The following DENND4B variants were observed in gnomAD, a reference collection of about 807,000 sequenced individuals.
The protein encoded by DENND4B is DENN domain containing 4B.
A neutral mutation model predicts 161.0 loss-of-function variants in DENND4B; 67 were observed. That is an observed-to-expected ratio of 0.42 (90% CI 0.34 to 0.51). DENND4B has a LOEUF of 0.51. Ranked by LOEUF, DENND4B falls within the 20% of genes least tolerant of loss-of-function variation. The probability of loss-of-function intolerance (pLI) is 0.08; values close to 1 mark genes in which losing one functional copy is unlikely to be tolerated. For missense variants in DENND4B, 1,481 were observed against 1,968.0 expected (o/e 0.75, Z 4.68); for synonymous variants, 753 against 813.8 (o/e 0.93, Z 1.27).
chr1:153,938,994 A>T lies in DENND4B; in HGVS notation c.1871T>A (p.Leu624Gln). The change falls in exon 13 of 28, where the codon CTG becomes CAG. Residue 624 changes from leucine (L) to glutamine (Q), a missense_variant. Physicochemically the swap from Leu to Gln is moderately radical, Grantham distance 113. This residue lies in a region of DENND4B where 806 missense variants were observed against 1,134.4 expected (regional missense o/e 0.71). Coordinates refer to ENST00000361217, the MANE Select transcript of DENND4B (RefSeq NM_014856.3). ...GAACTGTGAGAACATCTGTGTGTGCAGCAGCTGAGAGTAAAGTTTGTGGCT... is the reference window on the plus strand; with the variant it reads ...GAACTGTGAGAACATCTGTGTGTGCTGCAGCTGAGAGTAAAGTTTGTGGCT... ...RSSHKLYSQLLHTQMFSQFIE... is the reference protein window; with the variant it reads ...RSSHKLYSQLQHTQMFSQFIE... 7 of 1,612,436 alleles carry T rather than the reference A, an allele frequency of 4.3e-6. No homozygotes were observed. The highest frequency in any genetic ancestry group is 1.7e-5 in the Admixed American group (1 of 59,806).
At position 153,944,524 on chromosome 1, in the gene DENND4B, A is replaced by G; in HGVS notation, c.-23-127T>C. On this transcript the variant is annotated intron_variant, in intron 1 of 27. Coordinates refer to ENST00000361217, the MANE Select transcript of DENND4B (RefSeq NM_014856.3). This position sits in a 1 kb window ranked among gnomAD's most constrained non-coding sequence, Gnocchi z 4.8. The stretch of plus-strand genomic sequence containing the variant: ...GAAAGGCAGGATAAGGGGTCGGCCA[A>G]TCCTGAACTCTTCCCCCTGTGACAT... 2 of 930,340 alleles carry G rather than the reference A, an allele frequency of 2.1e-6. No individual in the cohort carries two copies. The highest frequency in any genetic ancestry group is 2.8e-5 in the East Asian group (1 of 35,428). 57.6% of individuals were successfully genotyped at this position (930,340 alleles called of 1,614,324 possible).
chr1:153,931,642 C>G (rs1035880218), intron 24 of DENND4B, among the ~76,000 whole-genome samples: 1 of 151,574 alleles, frequency 6.6e-6, no homozygotes, highest in African/African-American at 2.4e-5. Context: ...GGACTACAGG[C>G]GCCCGCCACC....
Position 153,936,011 on chromosome 1 carries a change from A to G in DENND4B, c.2568+49T>C, listed in dbSNP as rs1430400679. The G allele has an allele frequency of 6.2e-7, 1 of 1,605,544 alleles. No homozygotes were observed. The highest frequency in any genetic ancestry group is 8.5e-7 in the Non-Finnish European group (1 of 1,175,428). ...AGGGGAGCAGCAGCAGCCTCCCCTCACACACCCTGGCACAGCTGCCATCCC... is the reference window on the plus strand; with the variant it reads ...AGGGGAGCAGCAGCAGCCTCCCCTCGCACACCCTGGCACAGCTGCCATCCC... On this transcript the variant is annotated intron_variant, in intron 17 of 27. Transcript: ENST00000361217. This position sits in a 1 kb window ranked among gnomAD's most constrained non-coding sequence, Gnocchi z 4.1.
In DENND4B at chr1:153,937,474, C is replaced by T. The variant is rs1396971119; in HGVS notation, c.2232+14G>A. 1 of 1,531,816 alleles carries T rather than the reference C, an allele frequency of 6.5e-7. No homozygotes were observed. The highest frequency in any genetic ancestry group is 1.4e-5 in the African/African-American group (1 of 72,272). 94.9% of individuals were successfully genotyped at this position (1,531,816 alleles called of 1,614,324 possible). ...CTGATCCGGGTCCCTCAGTGCGGTC[C>T]ACCCACTGCTTACCTGTTTGGTACG... On this transcript the variant is annotated intron_variant, in intron 15 of 27. Coordinates refer to ENST00000361217, the MANE Select transcript of DENND4B (RefSeq NM_014856.3). This position sits in a 1 kb window ranked among gnomAD's most constrained non-coding sequence, Gnocchi z 4.7.
chr1:153,942,748 C>G lies in DENND4B; in HGVS notation c.571-123G>C, dbSNP rs562863906. The G allele has an allele frequency of 6.1e-6, 9 of 1,477,672 alleles. No homozygotes were observed. The East Asian group carries it at 2.2e-4, about 36-fold the overall frequency. 91.5% of individuals were successfully genotyped at this position (1,477,672 alleles called of 1,614,324 possible). On this transcript the variant is annotated intron_variant, in intron 3 of 27. Transcript: ENST00000361217. This position sits in a 1 kb window ranked among gnomAD's most constrained non-coding sequence, Gnocchi z 6.9. ...AAAGCTCCCATTAATCCCAGTGCCCCAAGACCAGAGTTACCCCTCTGGACT... is the reference window on the plus strand; with the variant it reads ...AAAGCTCCCATTAATCCCAGTGCCCGAAGACCAGAGTTACCCCTCTGGACT...
intron 8 of DENND4B, 66 bp downstream of exon 8, chr1:153,941,165 C>T: frequency 1.3e-6 from 2 of 1,597,126 alleles, no homozygotes; most frequent in Non-Finnish European, 1.7e-6. Context: ...CAGCTGCACC[C>T]ACCTGCCCAG....
In DENND4B at chr1:153,932,387, C is replaced by T. The variant is rs768284419; in HGVS notation, c.3813G>A (p.Val1271=). 6.2e-7 allele frequency: 1 copy of T among 1,613,642 alleles called. No homozygotes were observed. Among genetic ancestry groups the T allele is most frequent in the East Asian group, 2.2e-5 (1 of 44,864 alleles). ...CCAGCGACTCCAGCTCCTTACGCAGCACCAGGGGGCTCAGGTATGCCCATG... is the reference window on the plus strand; with the variant it reads ...CCAGCGACTCCAGCTCCTTACGCAGTACCAGGGGGCTCAGGTATGCCCATG... ...SGAWAYLSPL[V]LRKELESLVE... Residue 1271 remains valine, a synonymous_variant, in exon 24 of 28, where the codon GTG becomes GTA. Transcript: ENST00000361217. This position sits in a 1 kb window ranked among gnomAD's most constrained non-coding sequence, Gnocchi z 5.8.
rs777633726 is a variant in DENND4B, at chr1:153,932,336, C to T, written c.3864G>A (p.Leu1288=). Residue 1288 remains leucine (L), a synonymous_variant, in exon 24 of 28, where the codon CTG becomes CTA. Coordinates refer to ENST00000361217, the MANE Select transcript of DENND4B (RefSeq NM_014856.3). This position sits in a 1 kb window ranked among gnomAD's most constrained non-coding sequence, Gnocchi z 5.8. ...GGGCAGAGGGCAGTTCAGGCAACGC[C>T]AGCACCTCACTGCCCTCGTTCTCTA... ...SLVENEGSEV[L]ALPELPSAHP... The T allele has an allele frequency of 1.9e-6, 3 of 1,613,952 alleles. No homozygotes were observed. Among genetic ancestry groups the T allele is most frequent in the Non-Finnish European group, 2.5e-6 (3 of 1,179,866 alleles).
chr1:153,939,274 T>TGG (rs35006932), intron 12 of DENND4B, among the ~76,000 whole-genome samples: 54 of 151,382 alleles, frequency 3.6e-4, no homozygotes, highest in South Asian at 3.6e-3. Context: ...TGCCTCAGAC[T>TGG]GGGGGGGGTC....
chr1:153,931,149 CAG>C (rs2101997603), intron 24 of DENND4B, 85 bp from the exon 25 acceptor site: 1 of 1,065,714 alleles, frequency 9.4e-7, no homozygotes, highest in South Asian at 1.4e-5. Context: ...GCCAAAGAGA[CAG>C]AGGGCCATTA....
intron 17 of DENND4B, chr1:153,935,765 G>A (rs182116178): frequency 8.8e-6 from 3 of 340,756 alleles, no homozygotes; most frequent in East Asian, 1.4e-4. Context: ...CCACCTCATA[G>A]GGCTGTCGTG....
Position 153,935,762 on chromosome 1 carries a change from A to G in DENND4B, c.2568+298T>C, listed in dbSNP as rs1046588534. The G allele has an allele frequency of 4.7e-5, 16 of 336,874 alleles. No homozygotes were observed. In the Admixed American group the frequency reaches 6.6e-4, roughly 14 times the overall value. The allele number at this position is 336,874 out of a possible 1,614,324, so 20.9% of individuals were successfully genotyped here. A position where few individuals can be genotyped will look rare whatever the true frequency, so the allele number is the denominator to read the frequency against. ...ATGGGGATAATGATCATCCCACCTC[A>G]TAGGGCTGTCGTGAAGATAAAATGA... is the stretch of plus-strand genomic sequence containing the variant. On this transcript the variant is annotated intron_variant, in intron 17 of 27. Coordinates refer to ENST00000361217, the MANE Select transcript of DENND4B (RefSeq NM_014856.3).
intron 17 of DENND4B, 76 bp downstream of exon 17, chr1:153,935,984 C>G: frequency 6.5e-7 from 1 of 1,547,756 alleles, no homozygotes; most frequent in Non-Finnish European, 8.8e-7. Flanking sequence ...CTCCAAGGAG[C>G]GAGGGGAGCA....
intron 17 of DENND4B, 133 bp downstream of exon 17, chr1:153,935,927 G>T: frequency 8.7e-7 from 1 of 1,154,232 alleles, no homozygotes; most frequent in Non-Finnish European, 1.2e-6. Flanking sequence ...GGAGTGCAAT[G>T]TGGATGACAG....
chr1:153,933,778 G>T lies in DENND4B; in HGVS notation c.3035C>A (p.Pro1012Gln). 1 of 1,610,862 alleles carries T rather than the reference G, an allele frequency of 6.2e-7. No individual in the cohort carries two copies. The highest frequency in any genetic ancestry group is 8.5e-7 in the Non-Finnish European group (1 of 1,178,928). Residue 1012 changes from proline to glutamine, a missense_variant, in exon 20 of 28, where the codon CCG (proline) becomes CAG (glutamine). Transcript: ENST00000361217. This position sits in a 1 kb window ranked among gnomAD's most constrained non-coding sequence, Gnocchi z 5.7. Reference protein sequence around the residue: ...LSDLSLTGEEPLPGGSPGGSG... With the variant: ...LSDLSLTGEEQLPGGSPGGSG... ...GCCCCCTGGGCTGCCTCCAGGGAGCGGCTCCTCCCCTGTCAGGCTCAGGTC... is the reference window on the plus strand; with the variant it reads ...GCCCCCTGGGCTGCCTCCAGGGAGCTGCTCCTCCCCTGTCAGGCTCAGGTC...
chr1:153,935,530 A>G (rs911747028), intron 17 of DENND4B, among the ~76,000 whole-genome samples: 5 of 152,184 alleles, frequency 3.3e-5, no homozygotes, highest in Non-Finnish European at 5.9e-5. Flanking sequence ...TATTTTTAAT[A>G]GAGACAGGGT....
chr1:153,930,576 C>T lies in DENND4B; in HGVS notation c.4308G>A (p.Leu1436=), dbSNP rs1457055352. The change falls in exon 27 of 28, where the codon CTG becomes CTA. Residue 1436 remains leucine, a synonymous_variant. Transcript: ENST00000361217. The surrounding 1 kb of genome is among the most constrained non-coding windows in gnomAD (Gnocchi z 4.7). ...QRGIYREILF[L]TMAALGKDHV... ...GGTCCTTGCCCAGAGCAGCCATTGT[C>T]AGGAATAATATCTCACGGTAGATTC... The T allele has an allele frequency of 1.2e-6, 2 of 1,613,894 alleles. No individual in the cohort carries two copies. The highest frequency in any genetic ancestry group is 2.7e-5 in the African/African-American group (2 of 74,910).
At chr1:153,939,280 G>A (rs569805512) in intron 12 of DENND4B, among the ~76,000 whole-genome samples, 30 of 151,912 alleles carry the variant, frequency 2.0e-4, no homozygotes, top group African/African-American at 5.3e-4. Flanking sequence ...AGACTGGGGG[G>A]GGTCTCCAAG....
chr1:153,941,260 A>G lies in DENND4B; in HGVS notation c.1152T>C (p.Cys384=), dbSNP rs746932768. 31 of 1,613,784 alleles carry G rather than the reference A, an allele frequency of 1.9e-5. No homozygotes were observed. In the South Asian group the frequency reaches 3.3e-4, roughly 17 times the overall value. ...GGGGCAGGGGTGAGGATACAGGCTG[A>G]CAGAGGAGCAAGTTGTCATAGGGAG... ...QMSPYDNLLL[C]QPVSSPLPLS... is the part of the protein sequence containing the mutation. Residue 384 remains cysteine (C), a synonymous_variant, in exon 8 of 28, where the codon TGT becomes TGC. Transcript: ENST00000361217.
Sources: allele counts gnomAD v4.1 joint callset (sites outside exome capture counted in the v4.1 genomes callset), GRCh38; gene constraint gnomAD v4.1.1; regional missense constraint gnomAD v4.1.1; non-coding constraint Gnocchi (gnomAD v3.1); transcripts MANE v1.5; gene names NCBI Gene and HGNC (gene_info 2026-07-23, HGNC 2026-07-21).